ZNF100: variants seen among roughly 807,000 people sequenced by gnomAD.
The protein encoded by ZNF100 is zinc finger protein 100.
ZNF100 carries 12 observed loss-of-function variants against 15.8 expected under a neutral mutation model. The ratio of observed to expected loss-of-function variants is 0.76; its 90% CI spans 0.49 to 1.23. The LOEUF (loss-of-function observed/expected upper bound fraction) is 1.23, where lower values mean the gene tolerates loss of function less well. Among genes scored for constraint, ZNF100 ranks in the 50% most tolerant of loss-of-function variants. The pLI, the probability that ZNF100 is intolerant of heterozygous loss-of-function variation, is 0.00. For synonymous variants in ZNF100, 226 were observed against 214.8 expected, an observed-to-expected ratio of 1.05 and a Z score of -0.45; for missense variants, 670 against 635.6, an observed-to-expected ratio of 1.05 and a Z score of -0.58.
chr19:21,762,504 GA>G (rs1209156919), intron 2 of ZNF100, among the ~76,000 whole-genome samples: 64 of 152,250 alleles, frequency 4.2e-4, no homozygotes, highest in Non-Finnish European at 8.4e-4. Context: ...TAATCTTCCA[GA>G]TATCACCTAT....
At chr19:21,753,605 AG>A (rs1221850083) in intron 2 of ZNF100, 1 of 152,156 alleles carries the variant, frequency 6.6e-6, no homozygotes, top group Non-Finnish European at 1.5e-5. Context: ...AAAAACATTC[AG>A]GCAAGGTTTT....
chr19:21,763,642 G>A (rs903956623), intron 2 of ZNF100, among the ~76,000 whole-genome samples: 4 of 152,060 alleles, frequency 2.6e-5, no homozygotes, highest in African/African-American at 9.7e-5. Flanking sequence ...AAAATTTTAC[G>A]TGGGCTCCTG....
intron 2 of ZNF100, among the ~76,000 whole-genome samples, chr19:21,762,686 G>A (rs988002152): frequency 6.6e-6 from 1 of 152,106 alleles, no homozygotes; most frequent in East Asian, 1.9e-4. Context: ...TTAGGATTAA[G>A]GGTTTCCTTG....
chr19:21,736,679 C>G (rs896532510), intron 4 of ZNF100, among the ~76,000 whole-genome samples: 4 of 152,074 alleles, frequency 2.6e-5, no homozygotes, highest in Admixed American at 1.3e-4. Context: ...TCAAAAGAAC[C>G]AAAATCATAA....
In ZNF100 at chr19:21,736,820, GAAATA is replaced by G. The variant is rs1422609891; in HGVS notation, c.322+7192_322+7196del. ...CTGAGTAAATAATAAAATTAAGTCA[GAAATA>G]AAAAAATTCTTTGAAACCAATGAGA... On this transcript the variant is annotated intron_variant, in intron 4 of 4. Coordinates refer to ENST00000358296, the MANE Select transcript of ZNF100 (RefSeq NM_173531.4). 2.6e-5 allele frequency among the ~76,000 whole-genome samples: 4 copies of G among 152,112 alleles called. No homozygotes were observed. The East Asian group carries it at 7.7e-4, about 29-fold the overall frequency.
intron 4 of ZNF100, among the ~76,000 whole-genome samples, chr19:21,730,238 T>G (rs28492771): frequency 0.086 from 13,098 of 152,024 alleles, 726 homozygotes; most frequent in South Asian, 0.18. Flanking sequence ...CTGAGATCTA[T>G]TGATTAAAAA....
At position 21,727,187 on chromosome 19, in the gene ZNF100, A is replaced by G; in HGVS notation, c.1125T>C (p.Cys375=). ...ITHAGEKPYK[C]EECGKAFYRF... is the part of the protein sequence containing the mutation. ...GGTAAAAAGCTTTGCCACATTCTTC[A>G]CATTTGTAAGGTTTCTCTCCAGCAT... Residue 375 remains cysteine, a synonymous_variant, in exon 5 of 5, where the codon TGT becomes TGC. Coordinates refer to ENST00000358296, the MANE Select transcript of ZNF100 (RefSeq NM_173531.4). 1 of 1,613,746 alleles carries G rather than the reference A, an allele frequency of 6.2e-7. No homozygotes were observed. The highest frequency in any genetic ancestry group is 1.1e-5 in the South Asian group (1 of 91,066).
chr19:21,728,376 C>T (rs1386939798), intron 4 of ZNF100, among the ~76,000 whole-genome samples: 1 of 152,038 alleles, frequency 6.6e-6, no homozygotes, highest in East Asian at 1.9e-4. Context: ...AGGAGCCTTT[C>T]CAGACACTGG....
In ZNF100 at chr19:21,765,760, A is replaced by T. The variant is rs771034774; in HGVS notation, c.30T>A (p.Pro10=). Reference sequence around the variant, plus strand: ...CAGGGCATCCACTTGCTCCCTTGAGAGGACACATTCCATACCTCGGGTCAT... The same window carrying T: ...CAGGGCATCCACTTGCTCCCTTGAGTGGACACATTCCATACCTCGGGTCAT... MDDPRYGMC[P]LKGASGCPGA... Residue 10 remains proline, a synonymous_variant, in exon 2 of 5, where the codon CCT becomes CCA. Transcript: ENST00000358296. 6.2e-7 allele frequency: 1 copy of T among 1,614,212 alleles called. No individual in the cohort carries two copies. The highest frequency in any genetic ancestry group is 8.5e-7 in the Non-Finnish European group (1 of 1,180,030).
intron 2 of ZNF100, among the ~76,000 whole-genome samples, chr19:21,745,623 C>T (rs536877839): frequency 2.0e-5 from 3 of 151,942 alleles, no homozygotes; most frequent in South Asian, 2.1e-4. Flanking sequence ...CCTGGGTTCA[C>T]GCCATTCTCC....
chr19:21,730,140 A>T (rs1044841024), intron 4 of ZNF100, among the ~76,000 whole-genome samples: 3 of 152,074 alleles, frequency 2.0e-5, no homozygotes, highest in Admixed American at 2.0e-4. Flanking sequence ...TATATGTTTA[A>T]CTTTCCAATC....
chr19:21,730,345 G>T (rs557980945), intron 4 of ZNF100, among the ~76,000 whole-genome samples: 13 of 151,714 alleles, frequency 8.6e-5, no homozygotes, highest in Non-Finnish European at 1.6e-4. Flanking sequence ...TACATCTTAC[G>T]TGAAAAACTT....
intron 4 of ZNF100, among the ~76,000 whole-genome samples, chr19:21,741,387 T>TTA (rs1568299189): frequency 1.8e-4 from 28 of 151,838 alleles, no homozygotes; most frequent in African/African-American, 6.0e-4. Context: ...TATTATTATT[T>TTA]TTTTTGAGAC....
At chr19:21,731,921 T>C (rs2035926626) in intron 4 of ZNF100, among the ~76,000 whole-genome samples, 1 of 152,176 alleles carries the variant, frequency 6.6e-6, no homozygotes, top group Non-Finnish European at 1.5e-5. Flanking sequence ...CATAACATTA[T>C]CAATATAATT....
At position 21,724,806 on chromosome 19, in the gene ZNF100, C is replaced by A. The variant is rs905048220; in HGVS notation, c.*1877G>T. ...GTGGCTCATGCCTGTAATCCCAGAA[C>A]TTTGGGAAGCCGAGGCAGGCAAATC... On this transcript the variant is annotated 3_prime_UTR_variant, in exon 5 of 5. Transcript: ENST00000358296. 6.6e-6 allele frequency: 1 copy of A among 152,084 alleles called. No individual in the cohort carries two copies. The highest frequency in any genetic ancestry group is 1.5e-5 in the Non-Finnish European group (1 of 68,022). The allele number at this position is 152,084 out of a possible 1,614,324, so 9.4% of individuals were successfully genotyped here.
At chr19:21,730,134 T>C (rs556276511) in intron 4 of ZNF100, among the ~76,000 whole-genome samples, 2 of 151,608 alleles carry the variant, frequency 1.3e-5, no homozygotes, top group Non-Finnish European at 3.0e-5. Flanking sequence ...TAAATATATA[T>C]GTTTAACTTT....
chr19:21,756,946 C>G (rs561818158), intron 2 of ZNF100, among the ~76,000 whole-genome samples: 6 of 152,330 alleles, frequency 3.9e-5, no homozygotes, highest in African/African-American at 1.4e-4. Flanking sequence ...ACACCTCCAA[C>G]TATCTGATCT....
chr19:21,741,068 A>G (rs2036098058), intron 4 of ZNF100, among the ~76,000 whole-genome samples: 1 of 152,218 alleles, frequency 6.6e-6, no homozygotes, highest in East Asian at 1.9e-4. Context: ...ATAAAATGGA[A>G]TATTATACAG....
intron 2 of ZNF100, among the ~76,000 whole-genome samples, chr19:21,755,192 A>G (rs1599402385): frequency 6.6e-6 from 1 of 152,100 alleles, no homozygotes; most frequent in East Asian, 1.9e-4. Context: ...ATGTAATCCC[A>G]GCTACTCGGG....
Sources: allele counts gnomAD v4.1 joint callset (sites outside exome capture counted in the v4.1 genomes callset), GRCh38; gene constraint gnomAD v4.1.1; transcripts MANE v1.5; gene names NCBI Gene and HGNC (gene_info 2026-07-23, HGNC 2026-07-21).